UGP2: variants seen among roughly 807,000 people sequenced by gnomAD.
UGP2 encodes the protein UTP--glucose-1-phosphate uridylyltransferase.
In UGP2, 40 loss-of-function variants were observed where a neutral mutation model predicts 49.0. That is an observed-to-expected ratio of 0.82 (90% confidence interval 0.63 to 1.06). The LOEUF (loss-of-function observed/expected upper bound fraction) is 1.06, where lower values mean the gene tolerates loss of function less well. Ranked by LOEUF, UGP2 falls within the 50% of genes least tolerant of loss-of-function variation. UGP2 has a pLI of 0.00. For synonymous variants in UGP2, 225 were observed against 213.0 expected, an observed-to-expected ratio of 1.06 and a Z score of -0.49; for missense variants, 460 against 603.5, an observed-to-expected ratio of 0.76 and a Z score of 2.49.
chr2:63,879,548 A>T (rs1210899626), intron 3 of UGP2, among the ~76,000 whole-genome samples: 1 of 152,234 alleles, frequency 6.6e-6, no homozygotes, highest in Non-Finnish European at 1.5e-5. Flanking sequence ...GTCATACTTT[A>T]TAGTACGATT....
chr2:63,856,767 T>G, intron 2 of UGP2: 1 of 467,874 alleles, frequency 2.1e-6, no homozygotes, highest in Non-Finnish European at 4.3e-6. Flanking sequence ...TAGCTTCATA[T>G]GTCCTGCATG....
At chr2:63,877,946 T>A (rs996520804) in intron 3 of UGP2, among the ~76,000 whole-genome samples, 1 of 128,638 alleles carries the variant, frequency 7.8e-6, no homozygotes, top group African/African-American at 3.0e-5. Context: ...TGAGCCGAGA[T>A]TGCGCCACTG....
At chr2:63,855,684 G>A (rs1184173456) in intron 1 of UGP2, 1 of 441,370 alleles carries the variant, frequency 2.3e-6, no homozygotes, top group Non-Finnish European at 4.5e-6. Context: ...TGGGAATACA[G>A]ACAAGCGCCA....
At chr2:63,854,662 G>GC (rs1318968953) in intron 1 of UGP2, among the ~76,000 whole-genome samples, 1 of 152,156 alleles carries the variant, frequency 6.6e-6, no homozygotes, top group Non-Finnish European at 1.5e-5. Flanking sequence ...TTCGTTACAA[G>GC]CCCTTCCTGA....
intron 1 of UGP2, among the ~76,000 whole-genome samples, chr2:63,855,169 A>G (rs1028623750): frequency 6.6e-6 from 1 of 152,164 alleles, no homozygotes; most frequent in Non-Finnish European, 1.5e-5. Flanking sequence ...GTTGTCTTTA[A>G]TTCTATCTGT....
At chr2:63,847,285 C>G (rs1314812552) in intron 1 of UGP2, among the ~76,000 whole-genome samples, 1 of 152,116 alleles carries the variant, frequency 6.6e-6, no homozygotes, top group African/African-American at 2.4e-5. Flanking sequence ...AGAGACCCTT[C>G]CCTTTGTTGG....
intron 3 of UGP2, among the ~76,000 whole-genome samples, chr2:63,859,393 T>A (rs1406314840): frequency 6.6e-6 from 1 of 152,140 alleles, no homozygotes; most frequent in Non-Finnish European, 1.5e-5. Flanking sequence ...TGAAGGAAGG[T>A]ACGCAGATTT....
chr2:63,861,934 A>G (rs2104295683), intron 3 of UGP2, among the ~76,000 whole-genome samples: 1 of 152,222 alleles, frequency 6.6e-6, no homozygotes, highest in East Asian at 1.9e-4. Flanking sequence ...TTGTTTATTT[A>G]TAAGGAAGTC....
intron 9 of UGP2, among the ~76,000 whole-genome samples, chr2:63,890,625 C>T (rs1318272033): frequency 6.6e-6 from 1 of 152,120 alleles, no homozygotes; most frequent in Non-Finnish European, 1.5e-5. Flanking sequence ...ATATACTCCT[C>T]CCATTAAAGC....
rs201387816 is a variant in UGP2 at position 63,858,505 on chromosome 2, T to A, written c.255+569T>A. Among the ~76,000 whole-genome samples the A allele has an allele frequency of 7.2e-5, 11 of 152,056 alleles. No individual in the cohort carries two copies. The East Asian group carries it at 2.1e-3, about 29-fold the overall frequency. On this transcript the variant is annotated intron_variant, in intron 3 of 9. Transcript: ENST00000337130. ...TTTCAGTTCTTAATGTTTTAAAAACTATACATAACATTCTCACTATAAAAA... is the reference window on the plus strand; with the variant it reads ...TTTCAGTTCTTAATGTTTTAAAAACAATACATAACATTCTCACTATAAAAA...
At chr2:63,855,599 T>G (rs181983132) in intron 1 of UGP2, 6 of 376,160 alleles carry the variant, frequency 1.6e-5, no homozygotes, top group African/African-American at 1.1e-4. Flanking sequence ...TGGAGTGCGG[T>G]GGCGCGATCT....
intron 5 of UGP2, among the ~76,000 whole-genome samples, chr2:63,884,955 T>C (rs1188805122): frequency 3.3e-5 from 5 of 150,950 alleles, no homozygotes; most frequent in Admixed American, 2.6e-4. Flanking sequence ...GTGTCATTAG[T>C]TTGTTTGGTT....
In UGP2 at chr2:63,843,162, A is replaced by C. The variant is rs143999737; in HGVS notation, c.19+958A>C. Among the ~76,000 whole-genome samples the C allele has an allele frequency of 2.0e-5, 3 of 152,352 alleles. No homozygotes were observed. The East Asian group carries it at 5.8e-4, about 29-fold the overall frequency. On this transcript the variant is annotated intron_variant, in intron 1 of 9. Transcript: ENST00000337130. ...GGCCATCATTTGACCCTGGGAATAAAAATGCCCTACTGAGTTCTACATCGC... is the reference window on the plus strand; with the variant it reads ...GGCCATCATTTGACCCTGGGAATAACAATGCCCTACTGAGTTCTACATCGC...
At chr2:63,878,149 A>AT (rs1402080746) in intron 3 of UGP2, among the ~76,000 whole-genome samples, 1 of 151,316 alleles carries the variant, frequency 6.6e-6, no homozygotes, top group Non-Finnish European at 1.5e-5. Context: ...TTTTGGGACT[A>AT]TTTTTTTGTG....
At chr2:63,866,086 A>C (rs1365773587) in intron 3 of UGP2, among the ~76,000 whole-genome samples, 1 of 152,030 alleles carries the variant, frequency 6.6e-6, no homozygotes, top group Non-Finnish European at 1.5e-5. Flanking sequence ...TGTGACAACT[A>C]AGAAAGACTG....
intron 3 of UGP2, among the ~76,000 whole-genome samples, chr2:63,862,374 A>G (rs1187579467): frequency 6.6e-6 from 1 of 152,132 alleles, no homozygotes; most frequent in East Asian, 1.9e-4. Flanking sequence ...AATATTGCCA[A>G]AGCTTCAACT....
At chr2:63,865,390 TGAG>T (rs1670113916) in intron 3 of UGP2, among the ~76,000 whole-genome samples, 4 of 152,260 alleles carry the variant, frequency 2.6e-5, no homozygotes, top group South Asian at 2.1e-4. Context: ...TTTGGTTTAG[TGAG>T]GAGATGTTTG....
chr2:63,889,016 A>G (rs1671885432), intron 8 of UGP2: 1 of 151,948 alleles, frequency 6.6e-6, no homozygotes, highest in Non-Finnish European at 1.5e-5. Flanking sequence ...GATGTGTAGA[A>G]TGCAGATGGG....
chr2:63,887,895 A>ACCG, intron 8 of UGP2: 1 of 463,358 alleles, frequency 2.2e-6, no homozygotes, highest in South Asian at 2.5e-5. Context: ...TGTCTCTTCC[A>ACCG]AGACCAGTAC....
Sources: gnomAD v4.1 joint callset for allele counts (sites outside exome capture counted in the v4.1 genomes callset) on GRCh38, gnomAD v4.1.1 for gene constraint, MANE v1.5 for transcripts, NCBI Gene and HGNC (gene_info 2026-07-23, HGNC 2026-07-21) for gene names.